ADCY3: variants seen among roughly 807,000 people sequenced by gnomAD.
ADCY3 encodes the protein adenylate cyclase 3.
Under a neutral mutation model 119.4 loss-of-function variants are expected in ADCY3, and 70 were observed. The ratio of observed to expected loss-of-function variants is 0.59; its 90% CI spans 0.48 to 0.72. The LOEUF (loss-of-function observed/expected upper bound fraction) is 0.72, where lower values mean the gene tolerates loss of function less well. Ranked by LOEUF, ADCY3 falls within the 30% of genes least tolerant of loss-of-function variation. The pLI, the probability that ADCY3 is intolerant of heterozygous loss-of-function variation, is 0.00. For synonymous variants in ADCY3, 672 were observed against 621.4 expected (o/e 1.08, Z -1.21); for missense variants, 1,238 against 1,541.6 (o/e 0.80, Z 3.30).
At chr2:24,846,318 C>T (rs1233923070) in intron 3 of ADCY3, among the ~76,000 whole-genome samples, 1 of 152,216 alleles carries the variant, frequency 6.6e-6, no homozygotes, top group Non-Finnish European at 1.5e-5. Context: ...GGAGGCTGTA[C>T]CCTGCAAAGC....
chr2:24,830,711 T>C lies in ADCY3; in HGVS notation c.2170A>G (p.Met724Val), dbSNP rs1669370024. 7.4e-6 allele frequency: 12 copies of C among 1,613,476 alleles called. No individual in the cohort carries two copies. Among genetic ancestry groups the C allele is most frequent in the Non-Finnish European group, 8.5e-6 (10 of 1,179,616 alleles). ...FILVMANVVD[M>V]LSCLQYYTGP... Reference sequence around the variant, plus strand: ...CAACAAGGACAGCAGGAGCTCACCATGTCCACGACATTTGCCATCACCAGG... The same window carrying C: ...CAACAAGGACAGCAGGAGCTCACCACGTCCACGACATTTGCCATCACCAGG... Residue 724 changes from methionine to valine, a missense_variant and splice_region_variant, in exon 13 of 22, where the codon ATG becomes GTG. This residue lies in a region of ADCY3 where 499 missense variants were observed against 571.0 expected (regional missense o/e 0.87). Coordinates refer to ENST00000679454, the MANE Select transcript of ADCY3 (RefSeq NM_004036.5).
At position 24,830,793 on chromosome 2, in the gene ADCY3, A is replaced by T; in HGVS notation, c.2088T>A (p.Thr696=). 3 of 1,614,044 alleles carry T rather than the reference A, an allele frequency of 1.9e-6. No homozygotes were observed. The highest frequency in any genetic ancestry group is 2.5e-6 in the Non-Finnish European group (3 of 1,179,992). ...AFPKKLVAFS[T]WIDRTRWARN... is the part of the protein sequence containing the mutation. ...TGGCCCAGCGGGTCCGGTCAATCCAAGTTGAGAAGGCCACAAGCTTCTTAG... is the reference window on the plus strand; with the variant it reads ...TGGCCCAGCGGGTCCGGTCAATCCATGTTGAGAAGGCCACAAGCTTCTTAG... The change falls in exon 13 of 22, where the codon ACT becomes ACA. Residue 696 remains threonine, a synonymous_variant. Coordinates refer to ENST00000679454, the MANE Select transcript of ADCY3 (RefSeq NM_004036.5).
chr2:24,834,417 G>C lies in ADCY3; in HGVS notation c.1967+68C>G. 2 of 1,395,346 alleles carry C rather than the reference G, an allele frequency of 1.4e-6. No individual in the cohort carries two copies. The highest frequency in any genetic ancestry group is 4.2e-5 in the Admixed American group (2 of 47,724). The allele number at this position is 1,395,346 out of a possible 1,614,324, so 86.4% of individuals were successfully genotyped here. ...ATGTCAGGCTCCCGCTGAGACACCT[G>C]CCCCCGCCCCCCGCCCGGCACCACC... is the stretch of plus-strand genomic sequence containing the variant. On this transcript the variant is annotated intron_variant, in intron 11 of 21. Transcript: ENST00000679454. This position sits in a 1 kb window ranked among gnomAD's most constrained non-coding sequence, Gnocchi z 4.2.
At chr2:24,894,612 T>C (rs1349611637) in intron 2 of ADCY3, among the ~76,000 whole-genome samples, 1 of 152,218 alleles carries the variant, frequency 6.6e-6, no homozygotes, top group Non-Finnish European at 1.5e-5. Flanking sequence ...GTACCTTGTT[T>C]ATATTTTTGC....
chr2:24,840,045 A>C lies in ADCY3; in HGVS notation c.1197-14T>G. 6.3e-7 allele frequency: 1 copy of C among 1,599,616 alleles called. No homozygotes were observed. The highest frequency in any genetic ancestry group is 2.3e-5 in the East Asian group (1 of 44,430). Reference sequence around the variant, plus strand: ...TCCCGCACATACCTGCCAGGTACACACAGAAAGGAGGGTCAGGGTGTGGCC... The same window carrying C: ...TCCCGCACATACCTGCCAGGTACACCCAGAAAGGAGGGTCAGGGTGTGGCC... On this transcript the variant is annotated splice_polypyrimidine_tract_variant and intron_variant, in intron 6 of 21. Transcript: ENST00000679454.
intron 19 of ADCY3, 120 bp downstream of exon 19, chr2:24,822,391 G>T (rs992892084): frequency 7.4e-6 from 10 of 1,345,162 alleles, no homozygotes; most frequent in Admixed American, 2.1e-5. Context: ...CGTGGTGCTG[G>T]TGGTGTGTGT....
In ADCY3 at chr2:24,918,714, C is replaced by G; in HGVS notation, c.274G>C (p.Val92Leu). The part of the protein sequence containing the change: ...VVFAALFDCY[V>L]VVMCAVVFSS... ...AAGACCACAGCACACATGACCACCACGTAGCAGTCAAAGAGGGCTGCAAAG... is the reference window on the plus strand; with the variant it reads ...AAGACCACAGCACACATGACCACCAGGTAGCAGTCAAAGAGGGCTGCAAAG... The change falls in exon 2 of 22, where the codon GTG (valine) becomes CTG (leucine). Residue 92 changes from valine to leucine, a missense_variant. This residue lies in a region of ADCY3 where 227 missense variants were observed against 249.3 expected (regional missense o/e 0.91). Transcript: ENST00000679454. The surrounding 1 kb of genome is among the most constrained non-coding windows in gnomAD (Gnocchi z 5.4). 1 of 1,614,100 alleles carries G rather than the reference C, an allele frequency of 6.2e-7. No individual in the cohort carries two copies. The highest frequency in any genetic ancestry group is 8.5e-7 in the Non-Finnish European group (1 of 1,180,032).
chr2:24,887,891 C>T (rs953857328), intron 2 of ADCY3, among the ~76,000 whole-genome samples: 1 of 152,220 alleles, frequency 6.6e-6, no homozygotes, highest in African/African-American at 2.4e-5. Flanking sequence ...CACAATACAT[C>T]TAAGTGTTAC....
chr2:24,828,350 C>A (rs1183711761), intron 13 of ADCY3, among the ~76,000 whole-genome samples, 189 bp from the exon 14 acceptor site: 3 of 152,190 alleles, frequency 2.0e-5, no homozygotes. Context: ...AAGAGCCTCG[C>A]CGTTGCCTCA....
At chr2:24,862,373 C>T (rs563589612) in intron 3 of ADCY3, among the ~76,000 whole-genome samples, 6 of 152,206 alleles carry the variant, frequency 3.9e-5, no homozygotes, top group East Asian at 3.9e-4. Flanking sequence ...GGTGAAACCC[C>T]GTCTCTACTA....
intron 3 of ADCY3, among the ~76,000 whole-genome samples, chr2:24,856,612 T>C (rs1208858982): frequency 6.6e-6 from 1 of 152,176 alleles, no homozygotes; most frequent in Non-Finnish European, 1.5e-5. Flanking sequence ...CTCTCCCGGA[T>C]GAGGGGACGA....
chr2:24,914,502 G>A (rs1238417031), intron 2 of ADCY3, among the ~76,000 whole-genome samples: 1 of 152,072 alleles, frequency 6.6e-6, no homozygotes, highest in African/African-American at 2.4e-5. Context: ...GTGAAATCCT[G>A]TCTCTACTAG....
chr2:24,829,797 CCA>C lies in ADCY3; in HGVS notation c.2172+910_2172+911del, dbSNP rs544016588. ...AAGGAAGATAGTGTATATGGTACTA[CCA>C]CAATTAGAGGAGGCCGTGACAACTG... On this transcript the variant is annotated intron_variant, in intron 13 of 21. Transcript: ENST00000679454. 3.4e-4 allele frequency among the ~76,000 whole-genome samples: 51 copies of C among 151,406 alleles called. 1 individual carries two copies. The highest frequency in any genetic ancestry group is 6.3e-4 in the Non-Finnish European group (43 of 67,892).
rs755182774 is a variant in ADCY3, at chr2:24,820,853, G to T, written c.3128-5C>A. 1.2e-6 allele frequency: 2 copies of T among 1,613,674 alleles called. No homozygotes were observed. The highest frequency in any genetic ancestry group is 8.5e-7 in the Non-Finnish European group (1 of 1,179,778). ...GAACCCCGCCTTTGTTCATGCCTAG[G>T]GTAGAGGCATAAAGTTCAGCACAGC... On this transcript the variant is annotated splice_polypyrimidine_tract_variant and splice_region_variant and intron_variant, in intron 20 of 21. Coordinates refer to ENST00000679454, the MANE Select transcript of ADCY3 (RefSeq NM_004036.5).
chr2:24,914,252 C>G (rs1400592124), intron 2 of ADCY3, among the ~76,000 whole-genome samples: 1 of 152,224 alleles, frequency 6.6e-6, no homozygotes, highest in Non-Finnish European at 1.5e-5. Flanking sequence ...CATGGAGCAG[C>G]AATCAGTGCT....
At chr2:24,894,865 A>G (rs949294169) in intron 2 of ADCY3, among the ~76,000 whole-genome samples, 3 of 151,896 alleles carry the variant, frequency 2.0e-5, no homozygotes, top group Non-Finnish European at 2.9e-5. Flanking sequence ...TTTTTGAAGG[A>G]TATTTGTGTT....
chr2:24,833,664 A>G (rs1016233394), intron 11 of ADCY3, among the ~76,000 whole-genome samples: 1 of 152,234 alleles, frequency 6.6e-6, no homozygotes, highest in Non-Finnish European at 1.5e-5. Flanking sequence ...CATCGCTGCC[A>G]TAGCCCCAGC....
At chr2:24,897,656 A>C (rs1678436401) in intron 2 of ADCY3, among the ~76,000 whole-genome samples, 1 of 152,190 alleles carries the variant, frequency 6.6e-6, no homozygotes, top group African/African-American at 2.4e-5. Flanking sequence ...GTGATTTGAA[A>C]TAGTCTCTCA....
chr2:24,835,664 G>A (rs557806096), intron 9 of ADCY3, among the ~76,000 whole-genome samples: 7 of 152,188 alleles, frequency 4.6e-5, no homozygotes, highest in African/African-American at 1.2e-4. Context: ...GGCCGGGCAC[G>A]GTGACTCACG....
Sources: allele counts gnomAD v4.1 joint callset (sites outside exome capture counted in the v4.1 genomes callset), GRCh38; gene constraint gnomAD v4.1.1; regional missense constraint gnomAD v4.1.1; non-coding constraint Gnocchi (gnomAD v3.1); transcripts MANE v1.5; gene names NCBI Gene and HGNC (gene_info 2026-07-23, HGNC 2026-07-21).